PDE7B: variants seen among roughly 807,000 people sequenced by gnomAD.
PDE7B encodes 3',5'-cyclic-AMP phosphodiesterase 7B.
PDE7B carries 29 observed loss-of-function variants against 56.2 expected under a neutral mutation model. That is an observed-to-expected ratio of 0.52 (90% CI 0.38 to 0.70). PDE7B has a LOEUF of 0.70. PDE7B is among the 30% of genes least tolerant of loss of function. PDE7B has a pLI of 0.00. For missense variants in PDE7B, 490 were observed against 565.0 expected (o/e 0.87, Z 1.35); for synonymous variants, 197 against 196.9 (o/e 1.00, Z 0.00).
chr6:136,067,276 T>C (rs1454288099), intron 2 of PDE7B, among the ~76,000 whole-genome samples: 1 of 152,202 alleles, frequency 6.6e-6, no homozygotes, highest in African/African-American at 2.4e-5. Flanking sequence ...GCTTAAAGCA[T>C]CTTCAAAGGA....
chr6:135,939,085 C>T (rs1002707152), intron 1 of PDE7B, among the ~76,000 whole-genome samples: 4 of 152,134 alleles, frequency 2.6e-5, no homozygotes, highest in African/African-American at 9.7e-5. Context: ...GAAAACAAAG[C>T]TGTTAAAAGC....
intron 2 of PDE7B, among the ~76,000 whole-genome samples, chr6:136,051,602 T>C (rs1776630355): frequency 6.6e-6 from 1 of 152,212 alleles, no homozygotes; most frequent in South Asian, 2.1e-4. Context: ...GCTGGATGCA[T>C]TGTAAACCCT....
chr6:135,942,734 G>T (rs1774526774), intron 1 of PDE7B, among the ~76,000 whole-genome samples: 1 of 152,040 alleles, frequency 6.6e-6, no homozygotes, highest in South Asian at 2.1e-4. Context: ...ACATAGAAGT[G>T]AGATCATACA....
intron 2 of PDE7B, among the ~76,000 whole-genome samples, chr6:136,086,556 C>G (rs1361392836): frequency 6.6e-6 from 1 of 152,128 alleles, no homozygotes; most frequent in Non-Finnish European, 1.5e-5. Flanking sequence ...TGGCCCCATA[C>G]TAAAACTTTT....
At chr6:136,064,776 C>T (rs565011079) in intron 2 of PDE7B, 2 of 152,196 alleles carry the variant, frequency 1.3e-5, no homozygotes, top group Middle Eastern at 3.4e-3. Flanking sequence ...CCTGATGTCC[C>T]GATTAGGAAG....
At chr6:136,021,684 C>A (rs538329357) in intron 2 of PDE7B, among the ~76,000 whole-genome samples, 1 of 151,472 alleles carries the variant, frequency 6.6e-6, no homozygotes, top group Non-Finnish European at 1.5e-5. Flanking sequence ...ATTTTTCCTT[C>A]AGTCTCACAG....
intron 1 of PDE7B, among the ~76,000 whole-genome samples, chr6:135,863,343 G>T (rs1775187338): frequency 6.6e-6 from 1 of 151,848 alleles, no homozygotes; most frequent in South Asian, 2.1e-4. Context: ...TTAGATCAAG[G>T]TTGAATATCA....
chr6:136,020,213 G>T (rs186929501), intron 2 of PDE7B, among the ~76,000 whole-genome samples: 1 of 152,112 alleles, frequency 6.6e-6, no homozygotes, highest in East Asian at 1.9e-4. Flanking sequence ...GTGGATAGTT[G>T]TTCAAATGGA....
At chr6:135,890,428 C>G (rs899458001) in intron 1 of PDE7B, among the ~76,000 whole-genome samples, 2 of 152,148 alleles carry the variant, frequency 1.3e-5, no homozygotes, top group Non-Finnish European at 2.9e-5. Flanking sequence ...ATTTGTTTCA[C>G]TCCGGTGAAT....
chr6:136,058,032 CGCCTCT>C (rs1360915240), intron 2 of PDE7B, among the ~76,000 whole-genome samples: 1 of 151,924 alleles, frequency 6.6e-6, no homozygotes, highest in East Asian at 1.9e-4. Context: ...GCACTGCGCC[CGCCTCT>C]GCTCACAATT....
intron 2 of PDE7B, among the ~76,000 whole-genome samples, chr6:136,068,524 G>A (rs1776989059): frequency 1.4e-5 from 2 of 147,024 alleles, no homozygotes; most frequent in African/African-American, 5.0e-5. Flanking sequence ...TCCGCCTCCC[G>A]GGTTCACACC....
At position 136,119,817 on chromosome 6, in the gene PDE7B, A is replaced by G. The variant is rs189059590; in HGVS notation, c.166+11003A>G. Among the ~76,000 whole-genome samples, 10 of 152,326 alleles carry G rather than the reference A, an allele frequency of 6.6e-5. 1 individual carries two copies. The highest frequency in any genetic ancestry group is 4.6e-4 in the Admixed American group (7 of 15,304). Reference sequence around the variant, plus strand: ...ATTCTGTCTTTCCACTCAACCATATAAGGCTTCCTTATATAAGCCTTACCT... The same window carrying G: ...ATTCTGTCTTTCCACTCAACCATATGAGGCTTCCTTATATAAGCCTTACCT... On this transcript the variant is annotated intron_variant, in intron 3 of 12. Coordinates refer to ENST00000308191, the MANE Select transcript of PDE7B (RefSeq NM_018945.4).
intron 8 of PDE7B, among the ~76,000 whole-genome samples, chr6:136,157,857 A>C (rs925288005): frequency 6.6e-6 from 1 of 152,218 alleles, no homozygotes; most frequent in Non-Finnish European, 1.5e-5. Flanking sequence ...CTCCAGAATA[A>C]CTGAAAATGG....
chr6:136,108,326 A>G (rs1259400156), intron 2 of PDE7B, among the ~76,000 whole-genome samples: 2 of 152,138 alleles, frequency 1.3e-5, no homozygotes, highest in Non-Finnish European at 2.9e-5. Flanking sequence ...TCAGAAAACA[A>G]TTGTGTTGGA....
chr6:135,985,068 C>T (rs1775353956), intron 2 of PDE7B, among the ~76,000 whole-genome samples: 1 of 152,204 alleles, frequency 6.6e-6, no homozygotes, highest in African/African-American at 2.4e-5. Context: ...CTTCTTTTCA[C>T]TTGCTCTTTT....
intron 1 of PDE7B, among the ~76,000 whole-genome samples, chr6:135,867,570 C>T (rs940833712): frequency 1.3e-5 from 2 of 152,142 alleles, no homozygotes; most frequent in Non-Finnish European, 2.9e-5. Context: ...TTCCTGATCC[C>T]TCTCCTTCCT....
At chr6:135,862,836 AG>A (rs1245605433) in intron 1 of PDE7B, among the ~76,000 whole-genome samples, 1 of 151,812 alleles carries the variant, frequency 6.6e-6, no homozygotes, top group Admixed American at 6.6e-5. Context: ...TCACAGTTTC[AG>A]CTGTCTCCCC....
intron 3 of PDE7B, among the ~76,000 whole-genome samples, chr6:136,125,156 T>C (rs1052421183): frequency 5.3e-5 from 8 of 152,244 alleles, no homozygotes; most frequent in African/African-American, 1.9e-4. Flanking sequence ...GGCGATATTT[T>C]TGTTACAGAA....
intron 2 of PDE7B, among the ~76,000 whole-genome samples, chr6:135,973,040 G>A (rs1233914692): frequency 1.3e-5 from 2 of 152,094 alleles, no homozygotes; most frequent in Non-Finnish European, 2.9e-5. Flanking sequence ...CAGCATTATT[G>A]ACTACTGGTG....
Sources: allele counts gnomAD v4.1 joint callset (sites outside exome capture counted in the v4.1 genomes callset), GRCh38; gene constraint gnomAD v4.1.1; transcripts MANE v1.5; gene names NCBI Gene and HGNC (gene_info 2026-07-23, HGNC 2026-07-21).